Variants in DLGAP1 observed in about 807,000 individuals in gnomAD.
The protein encoded by DLGAP1 is DLG associated protein 1, also known as disks large-associated protein 1.
DLGAP1 carries 11 observed loss-of-function variants against 90.8 expected under a neutral mutation model. The ratio of observed to expected loss-of-function variants is 0.12; its 90% confidence interval spans 0.08 to 0.20. The LOEUF is 0.20. Among genes scored for constraint, DLGAP1 ranks in the 10% least tolerant of loss-of-function variants. The probability of loss-of-function intolerance (pLI) is 1.00; values close to 1 mark genes in which losing one functional copy is unlikely to be tolerated. For missense variants in DLGAP1, 1,050 were observed against 1,333.8 expected (o/e 0.79, Z 3.31); for synonymous variants, 558 against 540.7 (o/e 1.03, Z -0.44).
At chr18:4,231,594 G>T (rs1456651789) in intron 1 of DLGAP1, among the ~76,000 whole-genome samples, 2 of 152,068 alleles carry the variant, frequency 1.3e-5, no homozygotes, top group Non-Finnish European at 2.9e-5. Flanking sequence ...CCTGGGGCTT[G>T]CTTCTTCCTT....
At chr18:4,041,775 T>C (rs553403003) in intron 2 of DLGAP1, among the ~76,000 whole-genome samples, 42 of 152,332 alleles carry the variant, frequency 2.8e-4, no homozygotes, top group African/African-American at 8.9e-4. Flanking sequence ...CTACAAAAGA[T>C]GGTGACCAAT....
At chr18:3,883,646 A>G (rs2071237101) in intron 3 of DLGAP1, among the ~76,000 whole-genome samples, 1 of 152,228 alleles carries the variant, frequency 6.6e-6, no homozygotes, top group South Asian at 2.1e-4. Context: ...AAAATTTCCC[A>G]AAGTGGTTCA....
chr18:4,394,447 C>T (rs1343282822), intron 1 of DLGAP1, among the ~76,000 whole-genome samples: 1 of 152,124 alleles, frequency 6.6e-6, no homozygotes, highest in Non-Finnish European at 1.5e-5. Context: ...AGTAATTGTT[C>T]AGGTGACAAT....
At chr18:3,823,337 G>A (rs1461610923) in intron 4 of DLGAP1, among the ~76,000 whole-genome samples, 2 of 152,178 alleles carry the variant, frequency 1.3e-5, no homozygotes, top group Non-Finnish European at 1.5e-5. Context: ...TATATTAATA[G>A]GGATGCATGT....
At chr18:3,764,777 A>AATCAT (rs2064140469) in intron 5 of DLGAP1, among the ~76,000 whole-genome samples, 1 of 152,218 alleles carries the variant, frequency 6.6e-6, no homozygotes, top group Non-Finnish European at 1.5e-5. Flanking sequence ...GTAATTGTGC[A>AATCAT]ATCATATCTG....
intron 1 of DLGAP1, among the ~76,000 whole-genome samples, chr18:4,393,392 A>C (rs1040364882): frequency 6.6e-6 from 1 of 152,094 alleles, no homozygotes; most frequent in African/African-American, 2.4e-5. Flanking sequence ...TTCCCACGCA[A>C]GAGCCTTTTC....
intron 2 of DLGAP1, among the ~76,000 whole-genome samples, chr18:4,029,036 T>C (rs2074750167): frequency 1.3e-5 from 2 of 152,220 alleles, no homozygotes; most frequent in African/African-American, 2.4e-5. Context: ...TTCTCCATAG[T>C]AACCACTCTT....
At chr18:3,692,391 A>C (rs1231644053) in intron 7 of DLGAP1, among the ~76,000 whole-genome samples, 8 of 152,234 alleles carry the variant, frequency 5.3e-5, no homozygotes, top group Non-Finnish European at 1.2e-4. Context: ...CATGGTCTCC[A>C]GAGTTCAAAT....
intron 1 of DLGAP1, among the ~76,000 whole-genome samples, chr18:4,330,987 T>A (rs2080937342): frequency 6.6e-6 from 1 of 151,934 alleles, no homozygotes; most frequent in Non-Finnish European, 1.5e-5. Flanking sequence ...TGTAGCTCTA[T>A]CAAGTTTTGC....
chr18:4,134,229 C>T (rs1325245826), intron 2 of DLGAP1, among the ~76,000 whole-genome samples: 1 of 152,088 alleles, frequency 6.6e-6, no homozygotes, highest in Non-Finnish European at 1.5e-5. Context: ...TCTCTCTTTG[C>T]ATCCTCCCCA....
At chr18:4,328,552 T>C (rs2080875673) in intron 1 of DLGAP1, among the ~76,000 whole-genome samples, 1 of 151,992 alleles carries the variant, frequency 6.6e-6, no homozygotes, top group Non-Finnish European at 1.5e-5. Flanking sequence ...TTCATTTCTC[T>C]TGGAGAGATA....
At chr18:3,809,417 A>G (rs2066721521) in intron 5 of DLGAP1, among the ~76,000 whole-genome samples, 2 of 152,354 alleles carry the variant, frequency 1.3e-5, no homozygotes, top group African/African-American at 4.8e-5. Context: ...ACAAAGGTTC[A>G]GGGCCAGGGG....
At chr18:4,434,551 C>G (rs1163313703) in intron 1 of DLGAP1, among the ~76,000 whole-genome samples, 1 of 152,120 alleles carries the variant, frequency 6.6e-6, no homozygotes, top group African/African-American at 2.4e-5. Flanking sequence ...TTACATACTT[C>G]CTGTTGGTTC....
At chr18:3,659,013 T>A (rs1220673466) in intron 7 of DLGAP1, among the ~76,000 whole-genome samples, 1 of 152,190 alleles carries the variant, frequency 6.6e-6, no homozygotes, top group Non-Finnish European at 1.5e-5. Flanking sequence ...TCAACATTGT[T>A]TTAAGAAAAA....
At chr18:3,691,729 T>C (rs1483470594) in intron 7 of DLGAP1, among the ~76,000 whole-genome samples, 1 of 151,928 alleles carries the variant, frequency 6.6e-6, no homozygotes, top group African/African-American at 2.4e-5. Context: ...CTGGGCAACA[T>C]GGTGAAAAAC....
At chr18:3,568,841 C>T (rs2054587245) in intron 8 of DLGAP1, among the ~76,000 whole-genome samples, 1 of 152,018 alleles carries the variant, frequency 6.6e-6, no homozygotes, top group South Asian at 2.1e-4. Context: ...TGCCCGCCAC[C>T]ACGCCTGGCT....
intron 1 of DLGAP1, among the ~76,000 whole-genome samples, 175 bp from the exon 2 acceptor site, chr18:4,151,462 T>C (rs762398459): frequency 2.6e-5 from 4 of 152,244 alleles, no homozygotes; most frequent in Non-Finnish European, 5.9e-5. Flanking sequence ...CTTTGTATTT[T>C]TATGCTTTTC....
At chr18:4,178,752 G>C (rs936453573) in intron 1 of DLGAP1, among the ~76,000 whole-genome samples, 9 of 151,982 alleles carry the variant, frequency 5.9e-5, no homozygotes, top group African/African-American at 1.9e-4. Context: ...AATATACAGA[G>C]CTTGATAAAT....
At chr18:4,080,800 C>A (rs1457694635) in intron 2 of DLGAP1, among the ~76,000 whole-genome samples, 3 of 152,086 alleles carry the variant, frequency 2.0e-5, no homozygotes, top group Non-Finnish European at 4.4e-5. Context: ...CTTTCTGTAA[C>A]CTCAAGGTGA....
Sources: gnomAD v4.1 joint callset for allele counts (sites outside exome capture counted in the v4.1 genomes callset) on GRCh38, gnomAD v4.1.1 for gene constraint, MANE v1.5 for transcripts, NCBI Gene and HGNC (gene_info 2026-07-23, HGNC 2026-07-21) for gene names.